Variants in NXPE4 observed in about 807,000 individuals in gnomAD.
NXPE4 encodes NXPE family member 4.
A neutral mutation model predicts 33.3 loss-of-function variants in NXPE4; 42 were observed. The ratio of observed to expected loss-of-function variants is 1.26; its 90% CI spans 0.98 to 1.63. The LOEUF is 1.63. Among genes scored for constraint, NXPE4 ranks in the 40% most tolerant of loss-of-function variants. The pLI, the probability that NXPE4 is intolerant of heterozygous loss-of-function variation, is 0.00. For missense variants in NXPE4, 709 were observed against 647.6 expected (o/e 1.09, Z -1.03); for synonymous variants, 253 against 234.9 (o/e 1.08, Z -0.71).
At chr11:114,595,067 G>A (rs112476204) in intron 1 of NXPE4, among the ~76,000 whole-genome samples, 4 of 152,204 alleles carry the variant, frequency 2.6e-5, no homozygotes, top group African/African-American at 9.6e-5. Context: ...TCTAGATGAA[G>A]TCTCCAGACT....
chr11:114,670,710 A>G, the NXPE4 span, among the ~76,000 whole-genome samples: 2 of 151,994 alleles, frequency 1.3e-5, no homozygotes, highest in Non-Finnish European at 2.9e-5. Flanking sequence ...AATAAATAAA[A>G]GTAAAACAAG....
chr11:114,630,388 T>C, the NXPE4 span, among the ~76,000 whole-genome samples: 2 of 151,764 alleles, frequency 1.3e-5, no homozygotes, highest in Non-Finnish European at 2.9e-5. Context: ...AACTATCTGA[T>C]CTTTGAGAAA....
chr11:114,677,065 A>G, the NXPE4 span, among the ~76,000 whole-genome samples: 1 of 152,054 alleles, frequency 6.6e-6, no homozygotes, highest in African/African-American at 2.4e-5. Flanking sequence ...GAAATCTAAA[A>G]ATGTCAAATT....
chr11:114,590,868 G>A (rs903974991), intron 2 of NXPE4, among the ~76,000 whole-genome samples: 1 of 152,166 alleles, frequency 6.6e-6, no homozygotes, highest in Non-Finnish European at 1.5e-5. Flanking sequence ...CTTTTATGGG[G>A]AACCTTTGGC....
At chr11:114,616,043 G>A in the NXPE4 span, among the ~76,000 whole-genome samples, 10 of 149,476 alleles carry the variant, frequency 6.7e-5, no homozygotes, top group East Asian at 6.0e-4. Context: ...ACTCTTACCC[G>A]GTGGATAATA....
At chr11:114,658,334 G>A in the NXPE4 span, among the ~76,000 whole-genome samples, 1 of 152,198 alleles carries the variant, frequency 6.6e-6, no homozygotes, top group Non-Finnish European at 1.5e-5. Flanking sequence ...AAGGCTGAAT[G>A]TGGGCTAGTA....
At chr11:114,576,670 C>A (rs1244155487) in intron 5 of NXPE4, among the ~76,000 whole-genome samples, 2 of 151,440 alleles carry the variant, frequency 1.3e-5, no homozygotes, top group African/African-American at 4.9e-5. Context: ...TAAGAAAGGC[C>A]ATATTCAAAA....
chr11:114,618,245 T>C, the NXPE4 span, among the ~76,000 whole-genome samples: 2 of 151,992 alleles, frequency 1.3e-5, no homozygotes, highest in African/African-American at 4.8e-5. Flanking sequence ...GATTGTCTTA[T>C]GGGTAACCAC....
At chr11:114,593,654 C>T (rs1163197737) in intron 2 of NXPE4, among the ~76,000 whole-genome samples, 1 of 152,046 alleles carries the variant, frequency 6.6e-6, no homozygotes, top group East Asian at 1.9e-4. Flanking sequence ...CCATATGATC[C>T]AGCAATCCCA....
At chr11:114,676,040 T>C in the NXPE4 span, among the ~76,000 whole-genome samples, 1 of 151,936 alleles carries the variant, frequency 6.6e-6, no homozygotes, top group African/African-American at 2.4e-5. Context: ...CAGAACTGCA[T>C]ATCCACATGT....
At chr11:114,644,527 A>G in the NXPE4 span, among the ~76,000 whole-genome samples, 1 of 152,224 alleles carries the variant, frequency 6.6e-6, no homozygotes, top group Non-Finnish European at 1.5e-5. Flanking sequence ...AAAATGTAAT[A>G]GAAAAATATC....
chr11:114,580,179 T>A lies in NXPE4; in HGVS notation c.1052A>T (p.Asp351Val), dbSNP rs776338574. 1.9e-6 allele frequency: 3 copies of A among 1,614,012 alleles called. No homozygotes were observed. In the African/African-American group the frequency reaches 4.0e-5, roughly 22 times the overall value. Residue 351 changes from aspartate to valine, a missense_variant, in exon 5 of 6, where the codon GAT (aspartate) becomes GTT (valine). Coordinates refer to ENST00000375478, the MANE Select transcript of NXPE4 (RefSeq NM_001077639.2). ...LRGKLIYLMG[D>V]STIRQWMEYF... ...TTCCATCCACTGGCGGATCGTGGAA[T>A]CTCCCATTAGGTATATGAGTTTTCC...
the NXPE4 span, among the ~76,000 whole-genome samples, chr11:114,643,570 T>C: frequency 6.6e-6 from 1 of 152,090 alleles, no homozygotes; most frequent in Non-Finnish European, 1.5e-5. Context: ...TGGTTGTAGA[T>C]GTGTGGCGTT....
At chr11:114,666,265 C>T in the NXPE4 span, among the ~76,000 whole-genome samples, 1 of 152,132 alleles carries the variant, frequency 6.6e-6, no homozygotes, top group African/African-American at 2.4e-5. Flanking sequence ...TTCCTGGGCT[C>T]ACAGCAGCAT....
chr11:114,640,146 A>G, the NXPE4 span, among the ~76,000 whole-genome samples: 9 of 100,316 alleles, frequency 9.0e-5, no homozygotes, highest in Admixed American at 5.0e-4. Context: ...TATATAATAT[A>G]TGATATATTA....
chr11:114,606,089 C>T, the NXPE4 span, among the ~76,000 whole-genome samples: 62 of 151,462 alleles, frequency 4.1e-4, 1 homozygote, highest in Admixed American at 4.1e-3. Flanking sequence ...ATAAGTATTA[C>T]CTCATGGGTA....
chr11:114,622,620 C>T, the NXPE4 span, among the ~76,000 whole-genome samples: 1 of 151,456 alleles, frequency 6.6e-6, no homozygotes, highest in Non-Finnish European at 1.5e-5. Context: ...AACACTGTTA[C>T]CCAGTGGATA....
chr11:114,620,797 T>C, the NXPE4 span, among the ~76,000 whole-genome samples: 1 of 152,140 alleles, frequency 6.6e-6, no homozygotes, highest in Admixed American at 6.5e-5. Context: ...ATAATAAGTG[T>C]TGCCTCAGGG....
the NXPE4 span, among the ~76,000 whole-genome samples, chr11:114,631,874 T>C: frequency 6.6e-6 from 1 of 151,194 alleles, no homozygotes; most frequent in Non-Finnish European, 1.5e-5. Flanking sequence ...GGGTAACCGC[T>C]GTTACCCAGT....
Sources: allele counts gnomAD v4.1 joint callset (sites outside exome capture counted in the v4.1 genomes callset), GRCh38; gene constraint gnomAD v4.1.1; transcripts MANE v1.5; gene names NCBI Gene and HGNC (gene_info 2026-07-23, HGNC 2026-07-21).